GALNT17: variants seen among roughly 807,000 people sequenced by gnomAD.
The protein encoded by GALNT17 is UDP-GalNAc:polypeptide N-acetylgalactosaminyltransferase-like 3.
Under a neutral mutation model 63.7 loss-of-function variants are expected in GALNT17, and 29 were observed. That is an observed-to-expected ratio of 0.46 (90% confidence interval 0.34 to 0.62). The LOEUF (loss-of-function observed/expected upper bound fraction) is 0.62. Ranked by LOEUF, GALNT17 falls within the 20% of genes least tolerant of loss-of-function variation. The probability of loss-of-function intolerance (pLI) is 0.01; values close to 1 mark genes in which losing one functional copy is unlikely to be tolerated. For synonymous variants in GALNT17, 305 were observed against 318.3 expected, an observed-to-expected ratio of 0.96 and a Z score of 0.45; for missense variants, 603 against 799.6, an observed-to-expected ratio of 0.75 and a Z score of 2.97.
At chr7:71,680,877 TCC>T (rs533058206) in intron 9 of GALNT17, among the ~76,000 whole-genome samples, 28,638 of 146,232 alleles carry the variant, frequency 0.2, 3,440 homozygotes, top group Non-Finnish European at 0.27. Flanking sequence ...CTTCCTTCCT[TCC>T]TTTTCTTCCT....
At chr7:71,648,242 C>G (rs1196954312) in intron 6 of GALNT17, among the ~76,000 whole-genome samples, 1 of 152,064 alleles carries the variant, frequency 6.6e-6, no homozygotes, top group Admixed American at 6.6e-5. Context: ...TTCACAACAA[C>G]CCTCAGATCA....
intron 1 of GALNT17, among the ~76,000 whole-genome samples, chr7:71,138,992 A>G (rs1298651487): frequency 6.6e-6 from 1 of 152,182 alleles, no homozygotes; most frequent in Non-Finnish European, 1.5e-5. Flanking sequence ...TAAATAAAAT[A>G]AAAAAGAAAG....
rs1333096309 is a variant in GALNT17, at chr7:71,712,624, A to G, written c.*478A>G. ...AAGGAGGCAGTGAGGACCAGGCACT[A>G]TTTCCTCCGAGGTTACTTCTACCCA... is the stretch of plus-strand genomic sequence containing the variant. On this transcript the variant is annotated 3_prime_UTR_variant, in exon 11 of 11. Transcript: ENST00000333538. The G allele has an allele frequency of 1.3e-5, 2 of 156,450 alleles. No homozygotes were observed. Among genetic ancestry groups the G allele is most frequent in the African/African-American group, 2.4e-5 (1 of 41,458 alleles). The allele number at this position is 156,450 out of a possible 1,614,324, so 9.7% of individuals were successfully genotyped here.
chr7:71,398,489 T>G (rs73360197), intron 3 of GALNT17, among the ~76,000 whole-genome samples: 6,840 of 152,264 alleles, frequency 0.045, 541 homozygotes, highest in African/African-American at 0.16. Context: ...TATGTTTTCT[T>G]GTCCCTGGAG....
At chr7:71,409,620 C>T (rs969788912) in intron 3 of GALNT17, among the ~76,000 whole-genome samples, 1 of 152,174 alleles carries the variant, frequency 6.6e-6, no homozygotes, top group African/African-American at 2.4e-5. Flanking sequence ...TGGCCACTTC[C>T]CAAGTACACA....
At chr7:71,491,253 G>C (rs776295374) in intron 5 of GALNT17, among the ~76,000 whole-genome samples, 1 of 152,088 alleles carries the variant, frequency 6.6e-6, no homozygotes, top group African/African-American at 2.4e-5. Flanking sequence ...GGTGCTCTGG[G>C]TTCTGTCTCC....
intron 5 of GALNT17, among the ~76,000 whole-genome samples, chr7:71,505,821 G>A (rs546612831): frequency 6.6e-6 from 1 of 152,176 alleles, no homozygotes; most frequent in Non-Finnish European, 1.5e-5. Flanking sequence ...ATTTAAAAAG[G>A]TGAGAACAGA....
chr7:71,449,502 A>C (rs1289446665), intron 5 of GALNT17, among the ~76,000 whole-genome samples: 1 of 152,208 alleles, frequency 6.6e-6, no homozygotes, highest in African/African-American at 2.4e-5. Context: ...TCTGCAGAGC[A>C]ATGTTGAGTA....
intron 8 of GALNT17, among the ~76,000 whole-genome samples, chr7:71,674,303 G>T (rs1032673665): frequency 1.6e-4 from 23 of 147,730 alleles, no homozygotes; most frequent in Non-Finnish European, 6.0e-5. Context: ...TTAAATGAAA[G>T]AAACCAAATT....
At chr7:71,707,440 T>G (rs1213122560) in intron 9 of GALNT17, among the ~76,000 whole-genome samples, 1 of 152,240 alleles carries the variant, frequency 6.6e-6, no homozygotes, top group Non-Finnish European at 1.5e-5. Context: ...GCTACTAGCC[T>G]AGTACAGGCC....
intron 1 of GALNT17, among the ~76,000 whole-genome samples, chr7:71,136,660 T>A (rs540186852): frequency 6.6e-6 from 1 of 151,952 alleles, no homozygotes; most frequent in Non-Finnish European, 1.5e-5. Flanking sequence ...AATTTTTGTG[T>A]TTTTAGTAGA....
chr7:71,194,569 GT>G (rs1401177281), intron 1 of GALNT17, among the ~76,000 whole-genome samples: 5 of 152,210 alleles, frequency 3.3e-5, no homozygotes, highest in Non-Finnish European at 7.3e-5. Flanking sequence ...CCTGACACTT[GT>G]GTTGGTGCTG....
intron 8 of GALNT17, among the ~76,000 whole-genome samples, chr7:71,673,226 T>C (rs554969097): frequency 6.6e-6 from 1 of 152,278 alleles, no homozygotes; most frequent in African/African-American, 2.4e-5. Flanking sequence ...AGGACAAAGA[T>C]TTGAGAGTAA....
chr7:71,150,573 C>T (rs370898989), intron 1 of GALNT17, among the ~76,000 whole-genome samples: 231 of 147,422 alleles, frequency 1.6e-3, no homozygotes, highest in African/African-American at 5.6e-3. Flanking sequence ...TGCAGTGGTG[C>T]GACCTCGGCT....
intron 5 of GALNT17, among the ~76,000 whole-genome samples, chr7:71,539,632 C>T (rs1457307229): frequency 2.0e-5 from 3 of 146,760 alleles, no homozygotes; most frequent in African/African-American, 7.6e-5. Context: ...TTAAATTATT[C>T]TGTAACTTGT....
At chr7:71,452,827 T>TG (rs1178765341) in intron 5 of GALNT17, among the ~76,000 whole-genome samples, 2 of 152,156 alleles carry the variant, frequency 1.3e-5, no homozygotes, top group Non-Finnish European at 2.9e-5. Context: ...ATCTTGTTTT[T>TG]TTGTTGTTGT....
At chr7:71,471,445 A>G (rs879873081) in intron 5 of GALNT17, among the ~76,000 whole-genome samples, 1 of 151,606 alleles carries the variant, frequency 6.6e-6, no homozygotes, top group Non-Finnish European at 1.5e-5. Context: ...ATTTGGCTCT[A>G]CAAAGCATAT....
intron 4 of GALNT17, 125 bp from the exon 5 acceptor site, chr7:71,420,783 A>G: frequency 8.6e-7 from 1 of 1,159,218 alleles, no homozygotes; most frequent in Non-Finnish European, 1.3e-6. Flanking sequence ...CTCAGTTTGC[A>G]TCTGAGTTCC....
intron 5 of GALNT17, among the ~76,000 whole-genome samples, chr7:71,440,585 G>A (rs1002999840): frequency 2.0e-5 from 3 of 152,044 alleles, no homozygotes; most frequent in African/African-American, 7.2e-5. Flanking sequence ...TGTTGGTCAG[G>A]CTGGTCTTGA....
Sources: gnomAD v4.1 joint callset for allele counts (sites outside exome capture counted in the v4.1 genomes callset) on GRCh38, gnomAD v4.1.1 for gene constraint, MANE v1.5 for transcripts, NCBI Gene and HGNC (gene_info 2026-07-23, HGNC 2026-07-21) for gene names.